MAPK15: variants seen among roughly 807,000 people sequenced by gnomAD.
MAPK15 encodes the protein ERK-7.
MAPK15 carries 61 observed loss-of-function variants against 60.8 expected under a neutral mutation model. That is an observed-to-expected ratio of 1.00 (90% CI 0.82 to 1.24). MAPK15 has a LOEUF of 1.24. MAPK15 is among the 50% of genes most tolerant of loss of function. The pLI is 0.00. For synonymous variants in MAPK15, 356 were observed against 319.9 expected (o/e 1.11, Z -1.21); for missense variants, 808 against 741.1 (o/e 1.09, Z -1.05).
Position 143,719,143 on chromosome 8 carries a change from C to T in MAPK15, c.568C>T (p.Leu190Phe), listed in dbSNP as rs1817939213. ...CTGGTACCGAGCACCGGAGGTGCTG[C>T]TCTCTTCGCACCGGTAATAGCGAGA... is the stretch of plus-strand genomic sequence containing the variant. ...TRWYRAPEVL[L>F]SSHRYTLGVD... Residue 190 changes from leucine to phenylalanine, a missense_variant, in exon 6 of 14, where the codon CTC becomes TTC. Transcript: ENST00000338033. 6.5e-7 allele frequency: 1 copy of T among 1,548,652 alleles called. No individual in the cohort carries two copies.
intron 7 of MAPK15, 38 bp downstream of exon 7, chr8:143,719,520 G>A (rs1587437991): frequency 2.5e-6 from 4 of 1,598,072 alleles, no homozygotes; most frequent in African/African-American, 2.7e-5. Context: ...CGGGAATGCT[G>A]CAGGTCAGAC....
Position 143,721,273 on chromosome 8 carries a change from A to G in MAPK15, c.1066A>G (p.Lys356Glu). Residue 356 changes from lysine (K) to glutamate (E), a missense_variant, in exon 11 of 14, where the codon AAG becomes GAG. By Grantham distance (56) the Lys-to-Glu change is moderately conservative. Transcript: ENST00000338033. ...AGGCAGCAGCGGCACCTCGAGAGAG[A>G]AGGGCCCGGAGGGTGTCTCCCCAAG... ...CGGSSGTSRE[K>E]GPEGVSPSQA... The G allele has an allele frequency of 6.2e-7, 1 of 1,613,168 alleles. No homozygotes were observed.
chr8:143,717,797 G>C lies in MAPK15; in HGVS notation c.165+5G>C. 1 of 1,608,744 alleles carries C rather than the reference G, an allele frequency of 6.2e-7. No homozygotes were observed. Among genetic ancestry groups the C allele is most frequent in the Non-Finnish European group, 8.5e-7 (1 of 1,177,504 alleles). On this transcript the variant is annotated splice_donor_5th_base_variant and intron_variant, in intron 2 of 13. Transcript: ENST00000338033. The stretch of plus-strand genomic sequence containing the variant: ...AGGGATAAGACAGATGCCCAGGTGA[G>C]TGTGTGGGGAGAAGCGTGGGAGAGG...
chr8:143,718,401 C>T lies in MAPK15; in HGVS notation c.286+99C>T, dbSNP rs554578931. 2.5e-5 allele frequency: 28 copies of T among 1,106,868 alleles called. No homozygotes were observed. In the African/African-American group the frequency reaches 3.7e-4, roughly 15 times the overall value. The allele number at this position is 1,106,868 out of a possible 1,614,324, so 68.6% of individuals were successfully genotyped here. ...TGTCCCCCTGCGTGTCCCTCTGCAG[C>T]TGGCCCACAGTGGCTTGCTCCCTCA... On this transcript the variant is annotated intron_variant, in intron 4 of 13. Coordinates refer to ENST00000338033, the MANE Select transcript of MAPK15 (RefSeq NM_139021.3).
At position 143,718,900 on chromosome 8, in the gene MAPK15, C is replaced by T; in HGVS notation, c.412C>T (p.Gln138Ter). The T allele has an allele frequency of 6.2e-7, 1 of 1,605,626 alleles. No individual in the cohort carries two copies. Among genetic ancestry groups the T allele is most frequent in the Non-Finnish European group, 8.5e-7 (1 of 1,175,806 alleles). Residue 138 changes from glutamine to a stop codon, truncating the protein, a stop_gained, in exon 5 of 14, where the codon CAG (glutamine) becomes TAG (stop). Coordinates refer to ENST00000338033, the MANE Select transcript of MAPK15 (RefSeq NM_139021.3). LOFTEE classifies it high-confidence loss of function. The stretch of plus-strand genomic sequence containing the variant: ...CTCGGGGCACGTTGTGCACCGGGAC[C>T]AGAAGGTGCGGTTCCCCCGCCCCCG... ...LHSGHVVHRD[Q>*]KPSNVLLDAN...
At chr8:143,718,354 G>A (rs782064047) in intron 4 of MAPK15, 52 bp downstream of exon 4, 262 of 1,540,074 alleles carry the variant, frequency 1.7e-4, no homozygotes, top group Middle Eastern at 6.7e-4. Context: ...CTGTCCTGAC[G>A]CCGTCTGCGG....
rs781880348 is a variant in MAPK15 at position 143,720,329 on chromosome 8, C to T, written c.779+42C>T. ...CGGTGAGGGTGACAGGGTGGCCTATCTCAAGGGAGCAGGGCCACCTTCCTG... is the reference window on the plus strand; with the variant it reads ...CGGTGAGGGTGACAGGGTGGCCTATTTCAAGGGAGCAGGGCCACCTTCCTG... On this transcript the variant is annotated intron_variant, in intron 8 of 13. Transcript: ENST00000338033. This position sits in a 1 kb window ranked among gnomAD's most constrained non-coding sequence, Gnocchi z 4.6. 3.2e-5 allele frequency: 49 copies of T among 1,531,770 alleles called. No individual in the cohort carries two copies. Among genetic ancestry groups the T allele is most frequent in the Non-Finnish European group, 4.2e-5 (48 of 1,136,188 alleles). 94.9% of individuals were successfully genotyped at this position (1,531,770 alleles called of 1,614,324 possible).
intron 4 of MAPK15, 115 bp from the exon 5 acceptor site, chr8:143,718,660 C>T (rs183156422): frequency 4.7e-5 from 45 of 959,354 alleles, no homozygotes; most frequent in Admixed American, 1.2e-4. Flanking sequence ...AGCGGGGCGG[C>T]CAGGCCGTGG....
At chr8:143,716,850 A>T (rs1210053345) in intron 1 of MAPK15, among the ~76,000 whole-genome samples, 2 of 151,906 alleles carry the variant, frequency 1.3e-5, no homozygotes, top group African/African-American at 4.8e-5. Flanking sequence ...GAAGGGCCTG[A>T]GCGGTTATGG....
chr8:143,718,948 C>T lies in MAPK15; in HGVS notation c.417+43C>T, dbSNP rs781997231. On this transcript the variant is annotated intron_variant, in intron 5 of 13. Transcript: ENST00000338033. ...CCGCTATGCCACGTGGCCCGGCTCC[C>T]GGCCCCACCCAGCCCCGGGGCCTCA... 2.8e-5 allele frequency: 45 copies of T among 1,596,948 alleles called. No homozygotes were observed. The Admixed American group carries it at 3.1e-4, about 11-fold the overall frequency.
chr8:143,720,666 G>C lies in MAPK15; in HGVS notation c.780-37G>C. 1 of 1,589,832 alleles carries C rather than the reference G, an allele frequency of 6.3e-7. No homozygotes were observed. The highest frequency in any genetic ancestry group is 1.1e-5 in the South Asian group (1 of 87,982). ...AACATGGATCTGAGGAGGGGCCCTT[G>C]GGTCGGGCCCTGGAGACGACACACG... On this transcript the variant is annotated intron_variant, in intron 8 of 13. Coordinates refer to ENST00000338033, the MANE Select transcript of MAPK15 (RefSeq NM_139021.3). The surrounding 1 kb of genome is among the most constrained non-coding windows in gnomAD (Gnocchi z 4.6).
intron 5 of MAPK15, 33 bp downstream of exon 5, chr8:143,718,938 G>A (rs1817925209): frequency 6.3e-7 from 1 of 1,597,438 alleles, no homozygotes; most frequent in African/African-American, 1.3e-5. Context: ...ATGCCACGTG[G>A]CCCGGCTCCC....
In MAPK15 at chr8:143,721,679, T is replaced by G; in HGVS notation, c.1329+6T>G. The G allele has an allele frequency of 6.2e-7, 1 of 1,609,908 alleles. No individual in the cohort carries two copies. Among genetic ancestry groups the G allele is most frequent in the South Asian group, 1.1e-5 (1 of 90,652 alleles). ...CCCCCTTGACACTCTCGCTGGTAAG[T>G]CATGGTGGGGCGGGCACAGGAGGGA... On this transcript the variant is annotated splice_donor_region_variant and intron_variant, in intron 12 of 13. Coordinates refer to ENST00000338033, the MANE Select transcript of MAPK15 (RefSeq NM_139021.3).
Position 143,721,763 on chromosome 8 carries a change from C to A in MAPK15, c.1341C>A (p.Ser447Arg), listed in dbSNP as rs202138250. 6.2e-7 allele frequency: 1 copy of A among 1,613,494 alleles called. No individual in the cohort carries two copies. The highest frequency in any genetic ancestry group is 1.1e-5 in the South Asian group (1 of 91,070). Residue 447 changes from serine (S) to arginine (R), a missense_variant, in exon 13 of 14, where the codon AGC becomes AGA. Transcript: ENST00000338033. ...ATGGCCCTTCCCAGGTGAAGCCAAG[C>A]GGGAGGGGAGCTGCGCCCTCCCTGA... ...PPLTLSLVKP[S>R]GRGAAPSLTS... is the part of the protein sequence containing the mutation.
rs369864860 is a variant in MAPK15, at chr8:143,719,328, C to T, written c.582-15C>T. On this transcript the variant is annotated splice_polypyrimidine_tract_variant and intron_variant, in intron 6 of 13. Coordinates refer to ENST00000338033, the MANE Select transcript of MAPK15 (RefSeq NM_139021.3). ...CCTCTGGGTCTCTCCATGCCTACAC[C>T]GCTTCCTGCCCCAGATACACCCTTG... is the stretch of plus-strand genomic sequence containing the variant. The T allele has an allele frequency of 1.4e-5, 22 of 1,591,080 alleles. No homozygotes were observed. The highest frequency in any genetic ancestry group is 3.4e-5 in the South Asian group (3 of 87,476).
intron 4 of MAPK15, 39 bp from the exon 5 acceptor site, chr8:143,718,736 G>GCCCCCCCCCCCCCCCTCCCC: frequency 7.6e-6 from 1 of 131,404 alleles, no homozygotes; most frequent in Non-Finnish European, 1.3e-5. Context: ...TGCCCCCCCA[G>GCCCCCCCCCCCCCCCTCCCC]CCCCCCACCC....
In MAPK15 at chr8:143,717,811, G is replaced by A. The variant is rs1196774776; in HGVS notation, c.165+19G>A. 3.1e-6 allele frequency: 5 copies of A among 1,602,808 alleles called. No individual in the cohort carries two copies. The African/African-American group carries it at 6.7e-5, about 21-fold the overall frequency. On this transcript the variant is annotated intron_variant, in intron 2 of 13. Transcript: ENST00000338033. ...TGCCCAGGTGAGTGTGTGGGGAGAA[G>A]CGTGGGAGAGGATGGGGGCAGGGAG...
intron 13 of MAPK15, 46 bp from the exon 14 acceptor site, chr8:143,722,024 CCACTG>C: frequency 6.4e-7 from 1 of 1,572,896 alleles, no homozygotes; most frequent in East Asian, 2.3e-5. Flanking sequence ...GGCCTCCCCT[CCACTG>C]CACCCCCTCT....
rs781860684 is a variant in MAPK15 at position 143,719,151 on chromosome 8, G to T, written c.576G>T (p.Ser192=). 1.9e-6 allele frequency: 3 copies of T among 1,541,660 alleles called. No individual in the cohort carries two copies. Among genetic ancestry groups the T allele is most frequent in the Non-Finnish European group, 2.6e-6 (3 of 1,143,236 alleles). Residue 192 remains serine, a synonymous_variant, in exon 6 of 14, where the codon TCG becomes TCT. Transcript: ENST00000338033. ...WYRAPEVLLS[S]HRYTLGVDMW... ...GAGCACCGGAGGTGCTGCTCTCTTC[G>T]CACCGGTAATAGCGAGACATCCCCA...
Sources: allele counts gnomAD v4.1 joint callset (sites outside exome capture counted in the v4.1 genomes callset), GRCh38; gene constraint gnomAD v4.1.1; non-coding constraint Gnocchi (gnomAD v3.1); transcripts MANE v1.5; gene names NCBI Gene and HGNC (gene_info 2026-07-23, HGNC 2026-07-21).